Variants in XPO4 observed in about 807,000 individuals in gnomAD.
The protein encoded by XPO4 is exportin 4.
A neutral mutation model predicts 143.0 loss-of-function variants in XPO4; 39 were observed. The ratio of observed to expected loss-of-function variants is 0.27; its 90% CI spans 0.21 to 0.36. The LOEUF (loss-of-function observed/expected upper bound fraction) is 0.36. XPO4 is among the 10% of genes least tolerant of loss of function. The pLI, the probability that XPO4 is intolerant of heterozygous loss-of-function variation, is 1.00. For synonymous variants in XPO4, 439 were observed against 474.0 expected (o/e 0.93, Z 0.96); for missense variants, 907 against 1,348.0 (o/e 0.67, Z 5.12).
intron 5 of XPO4, 147 bp from the exon 6 acceptor site, chr13:20,843,195 C>T: frequency 1.3e-6 from 1 of 770,710 alleles, no homozygotes; most frequent in Non-Finnish European, 2.0e-6. Context: ...TAGGCCTCTA[C>T]TTGTAATTTA....
intron 6 of XPO4, among the ~76,000 whole-genome samples, chr13:20,836,879 G>C (rs1231627761): frequency 6.6e-6 from 1 of 151,898 alleles, no homozygotes; most frequent in African/African-American, 2.4e-5. Context: ...TGTCTCTATA[G>C]ATTTGCCCAT....
intron 3 of XPO4, 146 bp from the exon 4 acceptor site, chr13:20,855,911 C>G: frequency 1.2e-6 from 1 of 842,854 alleles, no homozygotes; most frequent in South Asian, 2.6e-5. Flanking sequence ...GACTCCAAAG[C>G]CAGGAGGCCT....
intron 6 of XPO4, among the ~76,000 whole-genome samples, chr13:20,828,600 CTTGT>C (rs767258774): frequency 2.0e-5 from 3 of 152,126 alleles, no homozygotes; most frequent in Non-Finnish European, 2.9e-5. Flanking sequence ...AAAATCACTG[CTTGT>C]TTCTGAAAAG....
rs2059105238 is a variant in XPO4, at chr13:20,778,289, A to G, written c.*5433T>C. 1 of 152,158 alleles carries G rather than the reference A, an allele frequency of 6.6e-6. No homozygotes were observed. Among genetic ancestry groups the G allele is most frequent in the Non-Finnish European group, 1.5e-5 (1 of 68,022 alleles). 9.4% of individuals were successfully genotyped at this position (152,158 alleles called of 1,614,324 possible). A position where few individuals can be genotyped will look rare whatever the true frequency, so the allele number is the denominator to read the frequency against. ...TTTCTTAAACAACTTTTCTTTATCC[A>G]CCTTTGGAGTGGAATAAATCTCAAT... On this transcript the variant is annotated 3_prime_UTR_variant, in exon 23 of 23. Coordinates refer to ENST00000255305, the MANE Select transcript of XPO4 (RefSeq NM_022459.5).
chr13:20,888,395 G>T (rs555575330), intron 1 of XPO4, among the ~76,000 whole-genome samples: 284 of 152,250 alleles, frequency 1.9e-3, no homozygotes, highest in Non-Finnish European at 3.2e-3. Context: ...CACCTAGGCT[G>T]GATGGAGTGC....
chr13:20,809,359 G>T, intron 10 of XPO4, 134 bp from the exon 11 acceptor site: 1 of 1,097,942 alleles, frequency 9.1e-7, no homozygotes, highest in African/African-American at 1.6e-5. Context: ...CGACCTTTGA[G>T]CACAGCTATC....
intron 3 of XPO4, chr13:20,856,793 A>G: frequency 1.0e-6 from 1 of 966,446 alleles, no homozygotes; most frequent in Non-Finnish European, 1.2e-6. Flanking sequence ...CTCACTCCAC[A>G]CTCTTTTGAC....
intron 4 of XPO4, among the ~76,000 whole-genome samples, chr13:20,844,315 C>T (rs181300852): frequency 3.0e-4 from 46 of 152,248 alleles, no homozygotes; most frequent in African/African-American, 1.0e-3. Context: ...TGTTTGACCC[C>T]GTTCTGTTTG....
intron 4 of XPO4, chr13:20,851,866 G>A (rs1043716368): frequency 1.0e-6 from 1 of 985,224 alleles, no homozygotes; most frequent in African/African-American, 1.7e-5. Context: ...TAACTGAACA[G>A]CTATATCTGT....
At chr13:20,822,687 T>C (rs1416682397) in intron 7 of XPO4, among the ~76,000 whole-genome samples, 3 of 152,208 alleles carry the variant, frequency 2.0e-5, no homozygotes, top group East Asian at 1.9e-4. Flanking sequence ...AAAGAGTATA[T>C]AGATGCTGCT....
At chr13:20,881,934 C>T (rs2060414006) in intron 1 of XPO4, among the ~76,000 whole-genome samples, 1 of 151,310 alleles carries the variant, frequency 6.6e-6, no homozygotes, top group Admixed American at 6.6e-5. Context: ...AGGGTGAAAC[C>T]CCGTCTCTAC....
intron 4 of XPO4, chr13:20,849,564 T>C (rs1172515655): frequency 1.6e-5 from 16 of 985,420 alleles, no homozygotes; most frequent in South Asian, 1.4e-4. Context: ...CTGACACTAC[T>C]GCAAACTGAG....
intron 9 of XPO4, among the ~76,000 whole-genome samples, chr13:20,815,490 A>C (rs774077412): frequency 9.2e-5 from 14 of 152,178 alleles, no homozygotes; most frequent in Non-Finnish European, 1.8e-4. Flanking sequence ...ATCTATATTT[A>C]TATTTATCTA....
At chr13:20,893,850 T>C (rs2060542741) in intron 1 of XPO4, among the ~76,000 whole-genome samples, 1 of 152,130 alleles carries the variant, frequency 6.6e-6, no homozygotes, top group South Asian at 2.1e-4. Flanking sequence ...TTTTTTGTTT[T>C]GTTTTGTTTT....
intron 22 of XPO4, among the ~76,000 whole-genome samples, chr13:20,784,704 A>AG (rs2059179426): frequency 6.6e-6 from 1 of 152,190 alleles, no homozygotes; most frequent in Non-Finnish European, 1.5e-5. Context: ...GCACTTTGGG[A>AG]GGCTGAGGAG....
chr13:20,868,181 AAC>A (rs1566616680), intron 2 of XPO4, among the ~76,000 whole-genome samples: 109 of 150,958 alleles, frequency 7.2e-4, no homozygotes, highest in Non-Finnish European at 1.3e-3. Context: ...AAAAAAAAAA[AAC>A]TATGGAAAAC....
At chr13:20,870,433 A>AT (rs1360595682) in intron 1 of XPO4, among the ~76,000 whole-genome samples, 1 of 122,894 alleles carries the variant, frequency 8.1e-6, no homozygotes. Flanking sequence ...CTCCATCTCA[A>AT]TTAAAAAAAA....
At chr13:20,797,351 CTT>C (rs1566563406) in intron 16 of XPO4, among the ~76,000 whole-genome samples, 1 of 152,196 alleles carries the variant, frequency 6.6e-6, no homozygotes, top group Admixed American at 6.5e-5. Flanking sequence ...GGAAAAAAAA[CTT>C]TGTTTACAAA....
At position 20,868,696 on chromosome 13, in the gene XPO4, T is replaced by C. The variant is rs1324532483; in HGVS notation, c.75A>G (p.Pro25=). The change falls in exon 2 of 23, where the codon CCA becomes CCG. Residue 25 remains proline, a synonymous_variant. Transcript: ENST00000255305. The part of the protein sequence containing the change: ...LENAAKVLMA[P]PSMVNNEQRQ... ...GTTGTTCATTATTGACCATGGAAGG[T>C]GGTGCCTTGAGAGTTAAAGACAAGA... 1.9e-6 allele frequency: 3 copies of C among 1,612,242 alleles called. No homozygotes were observed. The highest frequency in any genetic ancestry group is 3.3e-5 in the Admixed American group (2 of 59,858).
Sources: gnomAD v4.1 joint callset for allele counts (sites outside exome capture counted in the v4.1 genomes callset) on GRCh38, gnomAD v4.1.1 for gene constraint, MANE v1.5 for transcripts, NCBI Gene and HGNC (gene_info 2026-07-23, HGNC 2026-07-21) for gene names.